Variants in IARS1 observed in about 807,000 individuals in gnomAD.
The protein encoded by IARS1 is isoleucine--tRNA ligase, cytoplasmic.
In IARS1, 124 loss-of-function variants were observed where a neutral mutation model predicts 168.2. That is an observed-to-expected ratio of 0.74 (90% CI 0.64 to 0.86). The LOEUF (loss-of-function observed/expected upper bound fraction) is 0.86, where lower values mean the gene tolerates loss of function less well. IARS1 is among the 40% of genes least tolerant of loss of function. The probability of loss-of-function intolerance (pLI) is 0.00; values close to 1 mark genes in which losing one functional copy is unlikely to be tolerated. For missense variants in IARS1, 1,452 were observed against 1,515.8 expected, an observed-to-expected ratio of 0.96 and a Z score of 0.70; for synonymous variants, 532 against 529.4, an observed-to-expected ratio of 1.00 and a Z score of -0.07.
chr9:92,270,358 T>G (rs1004335061), intron 12 of IARS1, among the ~76,000 whole-genome samples: 1 of 152,352 alleles, frequency 6.6e-6, no homozygotes, highest in South Asian at 2.1e-4. Flanking sequence ...TAAAATCATA[T>G]TAAATTTTTC....
intron 6 of IARS1, among the ~76,000 whole-genome samples, chr9:92,281,370 G>C (rs1834539226): frequency 6.6e-6 from 1 of 152,100 alleles, no homozygotes; most frequent in Non-Finnish European, 1.5e-5. Context: ...CTGACCGCAG[G>C]TGATCCTCCC....
intron 19 of IARS1, 84 bp downstream of exon 19, chr9:92,258,770 C>A: frequency 7.9e-6 from 11 of 1,394,376 alleles, no homozygotes; most frequent in Middle Eastern, 2.6e-4. Context: ...CCTAAAGTCT[C>A]ACACAGAGCT....
chr9:92,273,676 C>T (rs907353353), intron 10 of IARS1, among the ~76,000 whole-genome samples: 5 of 152,192 alleles, frequency 3.3e-5, no homozygotes, highest in Admixed American at 6.5e-5. Flanking sequence ...AAATTGCACC[C>T]GTACCCTCTA....
intron 6 of IARS1, among the ~76,000 whole-genome samples, chr9:92,282,630 C>T (rs1412090577): frequency 2.0e-5 from 3 of 151,872 alleles, no homozygotes; most frequent in African/African-American, 7.3e-5. Flanking sequence ...ATTTTCTGGG[C>T]ATGGTGATGC....
rs758876824 is a variant in IARS1 at position 92,253,348 on chromosome 9, C to T, written c.2229+14G>A. On this transcript the variant is annotated intron_variant, in intron 21 of 33. Coordinates refer to ENST00000443024, the MANE Select transcript of IARS1 (RefSeq NM_002161.6). ...ATACACTTTTTGCTTTTCCCAACAGCAGTCTGCACTTACCTTTAATCTTCT... is the reference window on the plus strand; with the variant it reads ...ATACACTTTTTGCTTTTCCCAACAGTAGTCTGCACTTACCTTTAATCTTCT... 3.2e-6 allele frequency: 5 copies of T among 1,559,932 alleles called. No homozygotes were observed. Among genetic ancestry groups the T allele is most frequent in the East Asian group, 2.2e-5 (1 of 44,640 alleles).
Position 92,235,675 on chromosome 9 carries a change from C to T in IARS1, c.3283+5181G>A, listed in dbSNP as rs139519493. ...CTGAGTAGCTGGGATTACAGGCACG[C>T]GCCACCATGCCCGGCTAATTTTTGT... is the stretch of plus-strand genomic sequence containing the variant. On this transcript the variant is annotated intron_variant, in intron 30 of 33. Coordinates refer to ENST00000443024, the MANE Select transcript of IARS1 (RefSeq NM_002161.6). 6.1e-4 allele frequency among the ~76,000 whole-genome samples: 93 copies of T among 151,862 alleles called. 1 individual carries two copies. The highest frequency in any genetic ancestry group is 2.0e-3 in the African/African-American group (81 of 41,404).
At chr9:92,261,673 G>T (rs1432385027) in intron 17 of IARS1, among the ~76,000 whole-genome samples, 1 of 152,138 alleles carries the variant, frequency 6.6e-6, no homozygotes, top group African/African-American at 2.4e-5. Context: ...GACCACTGGG[G>T]GAAACTGGGC....
At position 92,285,734 on chromosome 9, in the gene IARS1, G is replaced by C; in HGVS notation, c.585C>G (p.His195Gln). 6.3e-7 allele frequency: 1 copy of C among 1,596,424 alleles called. No individual in the cohort carries two copies. The highest frequency in any genetic ancestry group is 8.6e-7 in the Non-Finnish European group (1 of 1,163,938). Reference sequence around the variant, plus strand: ...ACATTTCACGTACCTTATAATTCTGGTGTGACTCGAAGTTGGAAAGTGGAG... The same window carrying C: ...ACATTTCACGTACCTTATAATTCTGCTGTGACTCGAAGTTGGAAAGTGGAG... ...CNTPLSNFESHQNYKDVQDPS... is the reference protein window; with the variant it reads ...CNTPLSNFESQQNYKDVQDPS... The change falls in exon 6 of 34, where the codon CAC (histidine) becomes CAG (glutamine). Residue 195 changes from histidine (H) to glutamine (Q), a missense_variant. Transcript: ENST00000443024.
intron 33 of IARS1, 77 bp downstream of exon 33, chr9:92,222,443 A>G: frequency 8.7e-7 from 1 of 1,152,684 alleles, no homozygotes; most frequent in Non-Finnish European, 1.3e-6. Flanking sequence ...TCTTACATGT[A>G]TATGCTACAA....
At position 92,278,189 on chromosome 9, in the gene IARS1, G is replaced by C; in HGVS notation, c.833+10C>G. 3.3e-6 allele frequency: 5 copies of C among 1,524,448 alleles called. No individual in the cohort carries two copies. Among genetic ancestry groups the C allele is most frequent in the Non-Finnish European group, 4.6e-6 (5 of 1,098,244 alleles). The allele number at this position is 1,524,448 out of a possible 1,614,324, so 94.4% of individuals were successfully genotyped here. A position where few individuals can be genotyped will look rare whatever the true frequency, so the allele number is the denominator to read the frequency against. ...GCACACAAACACAGAGCAACTATTT[G>C]AATATTCACCTTTCAAGGATCTCAT... On this transcript the variant is annotated intron_variant, in intron 8 of 33. Transcript: ENST00000443024.
intron 27 of IARS1, among the ~76,000 whole-genome samples, chr9:92,244,724 G>C (rs1211588090): frequency 1.3e-5 from 2 of 152,092 alleles, no homozygotes; most frequent in Non-Finnish European, 2.9e-5. Flanking sequence ...CCACACTTGG[G>C]ACAATGACTG....
chr9:92,250,675 C>T (rs376712971), intron 23 of IARS1, 38 bp downstream of exon 23: 1 of 1,520,864 alleles, frequency 6.6e-7, no homozygotes, highest in Non-Finnish European at 8.9e-7. Flanking sequence ...CTCTCCCCTC[C>T]TTGGCACAGG....
At chr9:92,277,840 A>G in intron 9 of IARS1, 23 bp downstream of exon 9, 1 of 1,607,128 alleles carries the variant, frequency 6.2e-7, no homozygotes, top group Non-Finnish European at 8.5e-7. Context: ...GAGAGCGCCC[A>G]CAGTAGCGGT....
At chr9:92,258,509 C>T (rs1334126666) in intron 19 of IARS1, among the ~76,000 whole-genome samples, 1 of 152,140 alleles carries the variant, frequency 6.6e-6, no homozygotes, top group African/African-American at 2.4e-5. Flanking sequence ...GGCAGTGCCT[C>T]AACCCAGGAG....
intron 33 of IARS1, among the ~76,000 whole-genome samples, chr9:92,217,721 CAGG>C (rs1171439782): frequency 1.3e-5 from 2 of 152,004 alleles, no homozygotes; most frequent in African/African-American, 4.8e-5. Flanking sequence ...AAGACTAAAC[CAGG>C]AAGAAGTTGA....
At chr9:92,285,879 C>G in intron 5 of IARS1, 40 bp from the exon 6 acceptor site, 1 of 1,159,384 alleles carries the variant, frequency 8.6e-7, no homozygotes, top group Non-Finnish European at 1.3e-6. Flanking sequence ...GAACAAAATT[C>G]TATTTCTGAA....
rs2133700703 is a variant in IARS1 at position 92,250,804 on chromosome 9, T to G, written c.2338A>C (p.Met780Leu). The G allele has an allele frequency of 6.2e-7, 1 of 1,612,674 alleles. No individual in the cohort carries two copies. The highest frequency in any genetic ancestry group is 1.1e-5 in the South Asian group (1 of 90,790). The change falls in exon 23 of 34, where the codon ATG (methionine) becomes CTG (leucine). Residue 780 changes from methionine to leucine, a missense_variant. Coordinates refer to ENST00000443024, the MANE Select transcript of IARS1 (RefSeq NM_002161.6). ...APYTPFLTEL[M>L]YQNLKVLIDP... ...ATCAGCACCTTTAGATTCTGGTACA[T>G]CAATTCAGTGAGAAAAGGTGTGTAG...
At chr9:92,276,166 A>G (rs1833747437) in intron 9 of IARS1, among the ~76,000 whole-genome samples, 1 of 152,240 alleles carries the variant, frequency 6.6e-6, no homozygotes, top group South Asian at 2.1e-4. Context: ...TTTCCAAGGG[A>G]GAAACCAAAG....
chr9:92,263,067 C>A lies in IARS1; in HGVS notation c.1701-12G>T, dbSNP rs768552634. ...GCAGGGTATAAAACCTGAAAAAAAA[C>A]CCCAAACAGTTCAATAAAAATAGAA... On this transcript the variant is annotated splice_polypyrimidine_tract_variant and intron_variant, in intron 16 of 33. Transcript: ENST00000443024. The A allele has an allele frequency of 6.7e-5, 106 of 1,577,390 alleles. No homozygotes were observed. The highest frequency in any genetic ancestry group is 2.0e-4 in the Admixed American group (12 of 59,670).
Sources: gnomAD v4.1 joint callset for allele counts (sites outside exome capture counted in the v4.1 genomes callset) on GRCh38, gnomAD v4.1.1 for gene constraint, MANE v1.5 for transcripts, NCBI Gene and HGNC (gene_info 2026-07-23, HGNC 2026-07-21) for gene names.